TRPV1: variants seen among roughly 807,000 people sequenced by gnomAD.
The protein encoded by TRPV1 is OTRPC1.
A neutral mutation model predicts 82.3 loss-of-function variants in TRPV1; 82 were observed. The observed-to-expected ratio is 1.00, with a 90% CI of 0.83 to 1.20. The LOEUF (loss-of-function observed/expected upper bound fraction) is 1.20. Ranked by LOEUF, TRPV1 falls within the 50% of genes most tolerant of loss-of-function variation. The probability of loss-of-function intolerance (pLI) is 0.00; values close to 1 mark genes in which losing one functional copy is unlikely to be tolerated. For missense variants in TRPV1, 1,067 were observed against 1,096.8 expected (o/e 0.97, Z 0.38); for synonymous variants, 515 against 467.7 (o/e 1.10, Z -1.30).
At chr17:3,574,184 T>C (rs1430324633) in intron 13 of TRPV1, among the ~76,000 whole-genome samples, 1 of 152,226 alleles carries the variant, frequency 6.6e-6, no homozygotes, top group South Asian at 2.1e-4. Flanking sequence ...GCAATGTGAA[T>C]ACAGCCACCT....
chr17:3,584,519 G>A (rs115245861), intron 9 of TRPV1, among the ~76,000 whole-genome samples: 3,533 of 151,960 alleles, frequency 0.023, 134 homozygotes, highest in African/African-American at 0.077. Context: ...ATGTGCAGCC[G>A]GGCACGGTGG....
At chr17:3,591,612 G>A (rs973284598) in intron 3 of TRPV1, among the ~76,000 whole-genome samples, 1 of 152,196 alleles carries the variant, frequency 6.6e-6, no homozygotes, top group Non-Finnish European at 1.5e-5. Flanking sequence ...CAGACCACTG[G>A]CTTCTCTGCC....
At chr17:3,568,017 G>C (rs893640215) in intron 16 of TRPV1, among the ~76,000 whole-genome samples, 1 of 152,120 alleles carries the variant, frequency 6.6e-6, no homozygotes, top group Non-Finnish European at 1.5e-5. Flanking sequence ...AAATCAACAA[G>C]AGTGACATTG....
rs968212236 is a variant in TRPV1, at chr17:3,574,225, G to A, written c.1781-270C>T. On this transcript the variant is annotated intron_variant, in intron 13 of 16. Coordinates refer to ENST00000572705, the MANE Select transcript of TRPV1 (RefSeq NM_080704.4). ...CAGTGCACAACCTGCTTAACCATAC[G>A]TGTCAGCTCTGGCCCCACACCTGCT... 7.9e-5 allele frequency among the ~76,000 whole-genome samples: 12 copies of A among 152,170 alleles called. No individual in the cohort carries two copies. In the East Asian group the frequency reaches 1.5e-3, roughly 20 times the overall value.
Position 3,572,185 on chromosome 17 carries a change from G to A in TRPV1, c.2168C>T (p.Ser723Leu), listed in dbSNP as rs1430734885. The A allele has an allele frequency of 1.2e-6, 2 of 1,613,240 alleles. No individual in the cohort carries two copies. The highest frequency in any genetic ancestry group is 1.3e-5 in the African/African-American group (1 of 74,930). ...GTACCCCACCTGCAGCAGCTTGCCTGAGCGGAAGGCCTTCCTCATGCACTT... is the reference window on the plus strand; with the variant it reads ...GTACCCCACCTGCAGCAGCTTGCCTAAGCGGAAGGCCTTCCTCATGCACTT... ...FLKCMRKAFR[S>L]GKLLQVGYTP... Residue 723 changes from serine (S) to leucine (L), a missense_variant, in exon 15 of 17, where the codon TCA becomes TTA. Coordinates refer to ENST00000572705, the MANE Select transcript of TRPV1 (RefSeq NM_080704.4).
rs1340972739 is a variant in TRPV1 at position 3,591,024 on chromosome 17, G to T, written c.544C>A (p.Arg182=). 1.9e-6 allele frequency: 3 copies of T among 1,611,890 alleles called. No homozygotes were observed. The highest frequency in any genetic ancestry group is 1.7e-5 in the Admixed American group (1 of 59,626). ...TTIPLLLEIA[R]QTDSLKELVN... ...AGCTCCTTCAGGCTGTCCGTTTGCC[G>T]CGCGATCTCCAGGAGCAGGGGGATG... is the stretch of plus-strand genomic sequence containing the variant. Residue 182 remains arginine, a synonymous_variant, in exon 5 of 17, where the codon CGG becomes AGG. Coordinates refer to ENST00000572705, the MANE Select transcript of TRPV1 (RefSeq NM_080704.4).
chr17:3,590,027 G>A lies in TRPV1; in HGVS notation c.824C>T (p.Thr275Met), dbSNP rs765761647. 35 of 1,574,292 alleles carry A rather than the reference G, an allele frequency of 2.2e-5. No individual in the cohort carries two copies. The highest frequency in any genetic ancestry group is 4.7e-5 in the East Asian group (2 of 42,346). ...VKFLLQNSWQ[T>M]ADISARDSVG... ...CGAGTCCCTGGCGCTGATGTCGGCC[G>A]TCTGCCAGGAGTTCTGCAGCAGGAA... is the stretch of plus-strand genomic sequence containing the variant. Residue 275 changes from threonine (T) to methionine (M), a missense_variant, in exon 7 of 17, where the codon ACG becomes ATG. Coordinates refer to ENST00000572705, the MANE Select transcript of TRPV1 (RefSeq NM_080704.4).
At chr17:3,577,330 C>T (rs2074946857) in intron 12 of TRPV1, 138 bp from the exon 13 acceptor site, 1 of 970,358 alleles carries the variant, frequency 1.0e-6, no homozygotes, top group Non-Finnish European at 1.5e-6. Context: ...GCTCAGGGGT[C>T]ATGAGGGAGT....
chr17:3,567,448 C>T (rs1788385577), intron 16 of TRPV1, among the ~76,000 whole-genome samples: 2 of 151,730 alleles, frequency 1.3e-5, no homozygotes, highest in South Asian at 4.2e-4. Context: ...CGAGTGCTTC[C>T]TGAGGCACCT....
intron 9 of TRPV1, among the ~76,000 whole-genome samples, chr17:3,584,199 G>A (rs1300790851): frequency 6.6e-6 from 1 of 152,030 alleles, no homozygotes; most frequent in East Asian, 1.9e-4. Flanking sequence ...CGGAGCCAGA[G>A]GTTGCGGTGA....
intron 2 of TRPV1, among the ~76,000 whole-genome samples, chr17:3,598,971 G>A (rs1309899740): frequency 6.6e-6 from 1 of 150,582 alleles, no homozygotes; most frequent in African/African-American, 2.4e-5. Context: ...GGGCGCGGTG[G>A]CTCATGCCTG....
chr17:3,573,736 T>C lies in TRPV1; in HGVS notation c.2000A>G (p.Tyr667Cys). ...CAGGAGGATGTAGGTGAGAATTACA[T>C]AGGCCAGCAGCAGGATGATGAAGAC... ...KAVFIILLLA[Y>C]VILTYILLLN... Residue 667 changes from tyrosine (Y) to cysteine (C), a missense_variant, in exon 14 of 17, where the codon TAT (tyrosine) becomes TGT (cysteine). Coordinates refer to ENST00000572705, the MANE Select transcript of TRPV1 (RefSeq NM_080704.4). 6.2e-7 allele frequency: 1 copy of C among 1,613,936 alleles called. No individual in the cohort carries two copies. The highest frequency in any genetic ancestry group is 8.5e-7 in the Non-Finnish European group (1 of 1,179,980).
intron 2 of TRPV1, among the ~76,000 whole-genome samples, chr17:3,599,532 T>C (rs2075246508): frequency 7.3e-6 from 1 of 137,184 alleles, no homozygotes; most frequent in African/African-American, 3.6e-5. Flanking sequence ...CATACAGTAT[T>C]TGTCTCTTTG....
Position 3,573,660 on chromosome 17 carries a change from CTG to C in TRPV1, c.2074_2075del (p.Gln692GlyfsTer23). ...LMGETVNKIA[Q>X]ESKNIWKLQR... is the part of the protein sequence containing the mutation. ...GCAGCTTCCAGATGTTCTTGCTCTC[CTG>C]TGCGATCTTGTTGACAGTCTCACCC... is the stretch of plus-strand genomic sequence containing the variant. On this transcript the variant is annotated frameshift_variant, in exon 14 of 17. Transcript: ENST00000572705. LOFTEE classifies it high-confidence loss of function. The C allele has an allele frequency of 6.2e-7, 1 of 1,613,812 alleles. No individual in the cohort carries two copies. Among genetic ancestry groups the C allele is most frequent in the Non-Finnish European group, 8.5e-7 (1 of 1,179,944 alleles).
At chr17:3,576,633 G>C (rs1005981835) in intron 13 of TRPV1, among the ~76,000 whole-genome samples, 136 of 122,332 alleles carry the variant, frequency 1.1e-3, no homozygotes, top group African/African-American at 3.8e-3. Context: ...GCCTGGGCAA[G>C]AGAGCTAGAC....
At chr17:3,584,524 C>T (rs749906157) in intron 9 of TRPV1, among the ~76,000 whole-genome samples, 1 of 151,732 alleles carries the variant, frequency 6.6e-6, no homozygotes, top group South Asian at 2.1e-4. Context: ...CAGCCGGGCA[C>T]GGTGGCTCAC....
chr17:3,568,277 G>A (rs1042088078), intron 16 of TRPV1, among the ~76,000 whole-genome samples: 19 of 149,576 alleles, frequency 1.3e-4, no homozygotes, highest in Admixed American at 1.0e-3. Flanking sequence ...AGCCAAGATT[G>A]CGCCACTGCA....
intron 16 of TRPV1, among the ~76,000 whole-genome samples, chr17:3,568,271 A>ATG (rs1567655524): frequency 4.0e-5 from 6 of 151,166 alleles, no homozygotes. Flanking sequence ...GCAGTGAGCC[A>ATG]AGATTGCGCC....
intron 16 of TRPV1, among the ~76,000 whole-genome samples, chr17:3,569,084 A>C (rs1346510113): frequency 6.7e-6 from 1 of 149,244 alleles, no homozygotes; most frequent in Admixed American, 6.7e-5. Context: ...ACTCAGACAC[A>C]GGAAGGGGGA....
Sources: gnomAD v4.1 joint callset for allele counts (sites outside exome capture counted in the v4.1 genomes callset) on GRCh38, gnomAD v4.1.1 for gene constraint, MANE v1.5 for transcripts, NCBI Gene and HGNC (gene_info 2026-07-23, HGNC 2026-07-21) for gene names.